ASCC3: variants seen among roughly 807,000 people sequenced by gnomAD.
ASCC3 encodes the protein ASC-1 complex subunit P200.
A neutral mutation model predicts 256.3 loss-of-function variants in ASCC3; 158 were observed. The observed-to-expected ratio is 0.62, with a 90% CI of 0.54 to 0.70. The LOEUF (loss-of-function observed/expected upper bound fraction) is 0.70, where lower values mean the gene tolerates loss of function less well. Ranked by LOEUF, ASCC3 falls within the 30% of genes least tolerant of loss-of-function variation. The probability of loss-of-function intolerance (pLI) is 0.00; values close to 1 mark genes in which losing one functional copy is unlikely to be tolerated. For synonymous variants in ASCC3, 948 were observed against 883.4 expected, an observed-to-expected ratio of 1.07 and a Z score of -1.30; for missense variants, 2,259 against 2,626.0, an observed-to-expected ratio of 0.86 and a Z score of 3.05.
At chr6:100,678,982 A>C (rs1314330063) in intron 14 of ASCC3, among the ~76,000 whole-genome samples, 1 of 152,172 alleles carries the variant, frequency 6.6e-6, no homozygotes, top group Non-Finnish European at 1.5e-5. Flanking sequence ...AAATACTACC[A>C]ATACTCAAAT....
intron 39 of ASCC3, among the ~76,000 whole-genome samples, chr6:100,515,712 C>T (rs1301076458): frequency 6.6e-6 from 1 of 152,028 alleles, no homozygotes; most frequent in Non-Finnish European, 1.5e-5. Context: ...AAGAGAGGGG[C>T]ATAAACAAAT....
intron 39 of ASCC3, 101 bp downstream of exon 39, chr6:100,516,079 A>G: frequency 7.1e-7 from 1 of 1,409,980 alleles, no homozygotes; most frequent in Non-Finnish European, 1.0e-6. Context: ...AATTTAACTC[A>G]AGGTGAGCCT....
chr6:100,649,998 T>C (rs1415810180), intron 20 of ASCC3, among the ~76,000 whole-genome samples: 1 of 151,658 alleles, frequency 6.6e-6, no homozygotes, highest in Non-Finnish European at 1.5e-5. Context: ...AATAATTTTC[T>C]TTCTGTCCTC....
rs763191324 is a variant in ASCC3, at chr6:100,859,118, C to T, written c.241+4946G>A. The T allele has an allele frequency of 1.7e-5, 13 of 779,766 alleles. No individual in the cohort carries two copies. The East Asian group carries it at 2.7e-4, about 16-fold the overall frequency. 48.3% of individuals were successfully genotyped at this position (779,766 alleles called of 1,614,324 possible). ...TTTTAGTCATTTTTGTCATCTTAGT[C>T]CTCTGAATCTGTCAGAAGCTCTGCT... On this transcript the variant is annotated intron_variant, in intron 3 of 41. Transcript: ENST00000369162.
At chr6:100,579,178 GGTT>G (rs1378987135) in intron 36 of ASCC3, among the ~76,000 whole-genome samples, 2 of 146,850 alleles carry the variant, frequency 1.4e-5, no homozygotes, top group Non-Finnish European at 3.0e-5. Flanking sequence ...TTTTTAATGG[GGTT>G]GTTTGTTTTT....
At chr6:100,588,927 G>C (rs1771844425) in intron 36 of ASCC3, among the ~76,000 whole-genome samples, 1 of 152,000 alleles carries the variant, frequency 6.6e-6, no homozygotes. Context: ...ACATCTGAAG[G>C]ATAAGATAAC....
Position 100,827,429 on chromosome 6 carries a change from G to A in ASCC3, c.801+20719C>T, listed in dbSNP as rs186580430. Among the ~76,000 whole-genome samples the A allele has an allele frequency of 1.7e-3, 265 of 152,216 alleles. 2 individuals carry two copies. Among genetic ancestry groups the A allele is most frequent in the Non-Finnish European group, 2.6e-3 (178 of 68,010 alleles). ...AGAAGGTCAAACAGTTGGAATCACA[G>A]AATATGTAGCCTTTTTAGATTGGCT... On this transcript the variant is annotated intron_variant, in intron 4 of 41. Transcript: ENST00000369162.
At chr6:100,874,294 C>T (rs958905671) in intron 1 of ASCC3, among the ~76,000 whole-genome samples, 3 of 151,928 alleles carry the variant, frequency 2.0e-5, no homozygotes, top group South Asian at 4.2e-4. Context: ...GGTGAAACCC[C>T]GTCTCTACTA....
intron 10 of ASCC3, among the ~76,000 whole-genome samples, chr6:100,765,917 GTCA>G (rs1582830286): frequency 1.3e-5 from 2 of 152,008 alleles, no homozygotes; most frequent in East Asian, 3.9e-4. Flanking sequence ...TTAATATCTG[GTCA>G]TCCACTATTT....
At chr6:100,737,941 C>G (rs1780259732) in intron 10 of ASCC3, among the ~76,000 whole-genome samples, 1 of 152,180 alleles carries the variant, frequency 6.6e-6, no homozygotes, top group Admixed American at 6.5e-5. Flanking sequence ...GATGGTATCT[C>G]ATTGTGGTTT....
intron 10 of ASCC3, among the ~76,000 whole-genome samples, chr6:100,741,782 C>T (rs1450400729): frequency 1.3e-5 from 2 of 152,160 alleles, no homozygotes; most frequent in African/African-American, 4.8e-5. Flanking sequence ...AGCTCTCGTA[C>T]TGTTTTATCT....
intron 8 of ASCC3, among the ~76,000 whole-genome samples, chr6:100,788,672 G>C (rs1007216288): frequency 1.1e-4 from 16 of 151,666 alleles, no homozygotes; most frequent in African/African-American, 3.9e-4. Flanking sequence ...AATGTCTAAT[G>C]TATTACATTA....
At chr6:100,702,994 C>G (rs2115001743) in intron 13 of ASCC3, among the ~76,000 whole-genome samples, 1 of 152,178 alleles carries the variant, frequency 6.6e-6, no homozygotes, top group East Asian at 1.9e-4. Flanking sequence ...GACCAATGAT[C>G]ATGTGATAAT....
chr6:100,791,046 T>C (rs1769328780), intron 8 of ASCC3, among the ~76,000 whole-genome samples: 1 of 151,858 alleles, frequency 6.6e-6, no homozygotes, highest in South Asian at 2.1e-4. Flanking sequence ...TCATAACAAG[T>C]AAACATTATT....
intron 11 of ASCC3, among the ~76,000 whole-genome samples, chr6:100,724,148 CA>C (rs574759618): frequency 1.1e-4 from 14 of 126,350 alleles, no homozygotes; most frequent in South Asian, 2.4e-4. Context: ...TACAAAAAAA[CA>C]AAAAAAAAAA....
At chr6:100,567,644 G>A (rs1305935633) in intron 36 of ASCC3, among the ~76,000 whole-genome samples, 1 of 152,166 alleles carries the variant, frequency 6.6e-6, no homozygotes, top group Non-Finnish European at 1.5e-5. Context: ...ACTTATAGGT[G>A]AGAACCTGCA....
intron 36 of ASCC3, among the ~76,000 whole-genome samples, chr6:100,574,639 T>C (rs770281604): frequency 9.2e-5 from 14 of 151,838 alleles, no homozygotes; most frequent in Non-Finnish European, 8.8e-5. Flanking sequence ...ATCCTGGTAA[T>C]TGACAGTCCT....
chr6:100,650,678 A>G lies in ASCC3; in HGVS notation c.3112T>C (p.Leu1038=), dbSNP rs1216761105. 12 of 1,612,036 alleles carry G rather than the reference A, an allele frequency of 7.4e-6. No homozygotes were observed. The highest frequency in any genetic ancestry group is 8.5e-6 in the Non-Finnish European group (10 of 1,178,574). ...EEEIEELDTL[L]SNFCELSTPG... is the part of the protein sequence containing the mutation. ...GTGGAGAGTTCACAAAAATTGCTTA[A>G]TAAGGTATCTAACTCCTCTATTTCC... The change falls in exon 20 of 42, where the codon TTA becomes CTA. Residue 1038 remains leucine (L), a synonymous_variant. Coordinates refer to ENST00000369162, the MANE Select transcript of ASCC3 (RefSeq NM_006828.4).
intron 14 of ASCC3, among the ~76,000 whole-genome samples, chr6:100,663,037 T>G (rs1359050440): frequency 6.6e-6 from 1 of 152,060 alleles, no homozygotes; most frequent in African/African-American, 2.4e-5. Context: ...ACACTTTTAC[T>G]TCAGACCCAC....
Sources: allele counts gnomAD v4.1 joint callset (sites outside exome capture counted in the v4.1 genomes callset), GRCh38; gene constraint gnomAD v4.1.1; transcripts MANE v1.5; gene names NCBI Gene and HGNC (gene_info 2026-07-23, HGNC 2026-07-21).